The following SLC2A13 variants were observed in gnomAD, a reference collection of about 807,000 sequenced individuals.
SLC2A13 encodes the protein solute carrier family 2 member 13.
Under a neutral mutation model 64.4 loss-of-function variants are expected in SLC2A13, and 32 were observed. The observed-to-expected ratio is 0.50, with a 90% confidence interval of 0.37 to 0.67. The LOEUF is 0.67. SLC2A13 is among the 30% of genes least tolerant of loss of function. The pLI, the probability that SLC2A13 is intolerant of heterozygous loss-of-function variation, is 0.00. For synonymous variants in SLC2A13, 338 were observed against 327.1 expected, an observed-to-expected ratio of 1.03 and a Z score of -0.36; for missense variants, 743 against 829.2, an observed-to-expected ratio of 0.90 and a Z score of 1.28.
intron 2 of SLC2A13, among the ~76,000 whole-genome samples, chr12:40,035,616 G>A (rs1237343456): frequency 2.0e-5 from 3 of 152,156 alleles, no homozygotes; most frequent in South Asian, 2.1e-4. Context: ...AATCTTTCAC[G>A]TTAAAAGCAG....
At chr12:39,896,533 T>C (rs936281834) in intron 4 of SLC2A13, among the ~76,000 whole-genome samples, 13 of 141,372 alleles carry the variant, frequency 9.2e-5, no homozygotes, top group Admixed American at 2.2e-4. Context: ...TGTATACATG[T>C]ATGTATGTAT....
chr12:40,018,534 T>A (rs1240622222), intron 3 of SLC2A13, among the ~76,000 whole-genome samples: 1 of 152,170 alleles, frequency 6.6e-6, no homozygotes, highest in Non-Finnish European at 1.5e-5. Flanking sequence ...AATACCAGCA[T>A]CTATTGGACT....
rs186700020 is a variant in SLC2A13, at chr12:39,790,349, T to C, written c.1446-25491A>G. ...CGCGTCATCTAGCATTAGGTATATC[T>C]CCCAATGCTATCCCTCCCCCCTCCC... On this transcript the variant is annotated intron_variant, in intron 7 of 9. Coordinates refer to ENST00000280871, the MANE Select transcript of SLC2A13 (RefSeq NM_052885.4). Among the ~76,000 whole-genome samples the C allele has an allele frequency of 1.7e-3, 248 of 149,226 alleles. 1 individual carries two copies. Among genetic ancestry groups the C allele is most frequent in the Non-Finnish European group, 1.7e-3 (117 of 67,278 alleles).
At chr12:39,996,685 C>T (rs1225371045) in intron 3 of SLC2A13, among the ~76,000 whole-genome samples, 3 of 152,160 alleles carry the variant, frequency 2.0e-5, no homozygotes, top group Non-Finnish European at 2.9e-5. Flanking sequence ...GAGTTCGGGC[C>T]GTGGCTTCAG....
At chr12:40,104,502 A>C (rs1005328644) in intron 1 of SLC2A13, among the ~76,000 whole-genome samples, 1 of 152,224 alleles carries the variant, frequency 6.6e-6, no homozygotes, top group Non-Finnish European at 1.5e-5. Context: ...AAATGAATTA[A>C]GGAAGTGAAT....
At chr12:40,084,895 G>C (rs558922353) in intron 1 of SLC2A13, among the ~76,000 whole-genome samples, 1 of 152,188 alleles carries the variant, frequency 6.6e-6, no homozygotes, top group East Asian at 1.9e-4. Context: ...TTCAGGATAA[G>C]GGTTGGTCAC....
intron 4 of SLC2A13, among the ~76,000 whole-genome samples, chr12:39,888,626 G>C (rs1944525783): frequency 6.6e-6 from 1 of 152,172 alleles, no homozygotes; most frequent in African/African-American, 2.4e-5. Flanking sequence ...TTACCTGACA[G>C]GACAGAATTG....
At chr12:39,875,962 G>A (rs1192271179) in intron 4 of SLC2A13, among the ~76,000 whole-genome samples, 2 of 152,166 alleles carry the variant, frequency 1.3e-5, no homozygotes, top group Non-Finnish European at 2.9e-5. Flanking sequence ...ACCCTCTTAT[G>A]CATAAAAGAA....
At chr12:39,807,705 G>T (rs558586291) in intron 7 of SLC2A13, among the ~76,000 whole-genome samples, 7 of 152,084 alleles carry the variant, frequency 4.6e-5, no homozygotes, top group Admixed American at 4.6e-4. Context: ...GTGTTATCAG[G>T]AATTTTGTCC....
At chr12:39,896,380 G>T in intron 4 of SLC2A13, among the ~76,000 whole-genome samples, 1 of 134,438 alleles carries the variant, frequency 7.4e-6, no homozygotes, top group South Asian at 2.3e-4. Flanking sequence ...ATACATATAT[G>T]TATGTATATG....
chr12:39,795,994 A>G (rs1159829902), intron 7 of SLC2A13, among the ~76,000 whole-genome samples: 1 of 152,116 alleles, frequency 6.6e-6, no homozygotes, highest in Non-Finnish European at 1.5e-5. Context: ...GAACATTTTC[A>G]TCAGCCCCAA....
intron 7 of SLC2A13, among the ~76,000 whole-genome samples, chr12:39,781,121 T>C (rs1940968390): frequency 6.6e-6 from 1 of 152,250 alleles, no homozygotes; most frequent in Admixed American, 6.5e-5. Flanking sequence ...CTGATTTGTA[T>C]AGAAAGTTCT....
At chr12:39,860,497 T>C (rs182753746) in intron 6 of SLC2A13, among the ~76,000 whole-genome samples, 35 of 152,324 alleles carry the variant, frequency 2.3e-4, no homozygotes, top group Admixed American at 2.0e-3. Context: ...TCTAGAACTC[T>C]CCTCCAACTA....
intron 7 of SLC2A13, among the ~76,000 whole-genome samples, chr12:39,807,674 C>A (rs1207000959): frequency 1.3e-5 from 2 of 152,002 alleles, no homozygotes; most frequent in Non-Finnish European, 2.9e-5. Flanking sequence ...TTTTCTATTT[C>A]TTTTTGTGTT....
At chr12:39,907,681 T>C (rs973354628) in intron 4 of SLC2A13, 1 of 152,122 alleles carries the variant, frequency 6.6e-6, no homozygotes, top group African/African-American at 2.4e-5. Flanking sequence ...GAGGTGCATC[T>C]CACCAACCAT....
chr12:39,863,725 C>A (rs1468881699), intron 6 of SLC2A13, among the ~76,000 whole-genome samples: 1 of 152,040 alleles, frequency 6.6e-6, no homozygotes, highest in Non-Finnish European at 1.5e-5. Context: ...ACAAACTTAT[C>A]AGTAAAATAA....
At chr12:40,085,016 G>A (rs1425345520) in intron 1 of SLC2A13, among the ~76,000 whole-genome samples, 2 of 152,180 alleles carry the variant, frequency 1.3e-5, no homozygotes, top group Non-Finnish European at 2.9e-5. Context: ...TTATGCCTAG[G>A]TAATGATATA....
intron 1 of SLC2A13, among the ~76,000 whole-genome samples, chr12:40,057,158 C>G (rs1201906933): frequency 6.6e-6 from 1 of 152,092 alleles, no homozygotes; most frequent in South Asian, 2.1e-4. Context: ...AAACCCCATA[C>G]TGGACACAGT....
chr12:40,050,904 T>G (rs561552972), intron 1 of SLC2A13, among the ~76,000 whole-genome samples: 2 of 152,144 alleles, frequency 1.3e-5, no homozygotes, highest in African/African-American at 2.4e-5. Flanking sequence ...AACTACTTCA[T>G]AGGAGTTGAG....
Sources: allele counts gnomAD v4.1 joint callset (sites outside exome capture counted in the v4.1 genomes callset), GRCh38; gene constraint gnomAD v4.1.1; transcripts MANE v1.5; gene names NCBI Gene and HGNC (gene_info 2026-07-23, HGNC 2026-07-21).